The following TTC39B variants were observed in gnomAD, a reference collection of about 807,000 sequenced individuals.
The protein encoded by TTC39B is tetratricopeptide repeat domain 39B.
A neutral mutation model predicts 96.6 loss-of-function variants in TTC39B; 92 were observed. The observed-to-expected ratio is 0.95, with a 90% CI of 0.80 to 1.13. The LOEUF (loss-of-function observed/expected upper bound fraction) is 1.13. Ranked by LOEUF, TTC39B falls within the 50% of genes most tolerant of loss-of-function variation. The pLI, the probability that TTC39B is intolerant of heterozygous loss-of-function variation, is 0.00. For synonymous variants in TTC39B, 367 were observed against 299.4 expected, an observed-to-expected ratio of 1.23 and a Z score of -2.33; for missense variants, 955 against 809.3, an observed-to-expected ratio of 1.18 and a Z score of -2.18.
At chr9:15,186,202 CTTATG>C (rs935131215) in intron 15 of TTC39B, among the ~76,000 whole-genome samples, 11 of 152,096 alleles carry the variant, frequency 7.2e-5, no homozygotes, top group Non-Finnish European at 1.5e-4. Context: ...ATGAGTCAAG[CTTATG>C]TTAGGTTAAT....
chr9:15,262,825 G>A (rs1455647326), intron 2 of TTC39B, among the ~76,000 whole-genome samples: 1 of 152,184 alleles, frequency 6.6e-6, no homozygotes, highest in African/African-American at 2.4e-5. Flanking sequence ...TCTTGATACA[G>A]AGATTGAAGC....
rs77495490 is a variant in TTC39B at position 15,185,502 on chromosome 9, G to C, written c.1488-96C>G. ...TCACAGTGAACTTCACAGACCACCA[G>C]CAGCAGCAGCAGCATCACCTGGGAA... On this transcript the variant is annotated intron_variant, in intron 15 of 19. Transcript: ENST00000512701. 6.7e-4 allele frequency: 917 copies of C among 1,364,472 alleles called. 2 individuals carry two copies. In the African/African-American group the frequency reaches 9.1e-3, roughly 13 times the overall value. 84.5% of individuals were successfully genotyped at this position (1,364,472 alleles called of 1,614,324 possible). A position where few individuals can be genotyped will look rare whatever the true frequency, so the allele number is the denominator to read the frequency against.
At chr9:15,180,318 T>C (rs2800592) in intron 17 of TTC39B, among the ~76,000 whole-genome samples, 2,240 of 152,354 alleles carry the variant, frequency 0.015, 62 homozygotes, top group African/African-American at 0.051. Flanking sequence ...ATGTTTGCTA[T>C]ATAATTTCAT....
At chr9:15,190,840 A>G (rs1818818834) in intron 10 of TTC39B, among the ~76,000 whole-genome samples, 178 bp from the exon 11 acceptor site, 1 of 152,158 alleles carries the variant, frequency 6.6e-6, no homozygotes, top group African/African-American at 2.4e-5. Flanking sequence ...CATACTCAAC[A>G]GGTAGTTTTT....
At chr9:15,268,112 C>T (rs141582712) in intron 1 of TTC39B, among the ~76,000 whole-genome samples, 164 bp from the exon 2 acceptor site, 67 of 151,822 alleles carry the variant, frequency 4.4e-4, no homozygotes, top group Non-Finnish European at 9.3e-4. Flanking sequence ...ATTCTGTTTA[C>T]AGAAATCAAG....
intron 6 of TTC39B, among the ~76,000 whole-genome samples, chr9:15,208,735 T>C (rs1191480300): frequency 1.3e-5 from 2 of 152,186 alleles, no homozygotes; most frequent in Admixed American, 6.5e-5. Flanking sequence ...TGTTTGACCA[T>C]GGTTTTGGGG....
At chr9:15,190,317 T>C (rs1006052236) in intron 11 of TTC39B, among the ~76,000 whole-genome samples, 7 of 152,170 alleles carry the variant, frequency 4.6e-5, no homozygotes, top group African/African-American at 1.7e-4. Context: ...AGATTAAAAA[T>C]AATCAACTTT....
exon 20 of TTC39B, chr9:15,164,924 C>G (rs1162047399): frequency 6.6e-6 from 1 of 152,116 alleles, no homozygotes; most frequent in Non-Finnish European, 1.5e-5. Flanking sequence ...AACCAACAGC[C>G]TAAGATTTAA....
chr9:15,166,993 TATA>T (rs1817532172), exon 20 of TTC39B: 1 of 5,134 alleles, frequency 1.9e-4, no homozygotes, highest in African/African-American at 8.0e-4. Context: ...TATATATATA[TATA>T]TATATATATA....
At chr9:15,227,795 C>T (rs540379407) in intron 2 of TTC39B, among the ~76,000 whole-genome samples, 1 of 152,244 alleles carries the variant, frequency 6.6e-6, no homozygotes, top group East Asian at 1.9e-4. Context: ...AAAATATCCC[C>T]TTTTCACATT....
intron 1 of TTC39B, among the ~76,000 whole-genome samples, chr9:15,295,364 A>C (rs1824334600): frequency 6.6e-6 from 1 of 152,214 alleles, no homozygotes; most frequent in Admixed American, 6.5e-5. Flanking sequence ...GGCTGCATTT[A>C]ACCTCTTAGT....
At chr9:15,186,706 T>G (rs1328383151) in intron 15 of TTC39B, 1 of 361,910 alleles carries the variant, frequency 2.8e-6, no homozygotes, top group African/African-American at 2.1e-5. Context: ...TGGTTTTTTT[T>G]TGGAGACAGA....
At chr9:15,185,581 C>T (rs1818479909) in intron 15 of TTC39B, 175 bp from the exon 16 acceptor site, 2 of 925,340 alleles carry the variant, frequency 2.2e-6, no homozygotes, top group Non-Finnish European at 3.1e-6. Context: ...GAATCAGCAA[C>T]TCCAGGGCCG....
At chr9:15,177,869 C>CA in intron 17 of TTC39B, 55 bp from the exon 18 acceptor site, 4 of 466,286 alleles carry the variant, frequency 8.6e-6, no homozygotes, top group Non-Finnish European at 1.1e-5. Flanking sequence ...TTTTTAAGAT[C>CA]TTTTTTTTTT....
At chr9:15,268,065 A>G (rs747150829) in intron 1 of TTC39B, 117 bp from the exon 2 acceptor site, 19 of 776,214 alleles carry the variant, frequency 2.4e-5, no homozygotes, top group Admixed American at 4.9e-5. Context: ...AGGAAGGTAT[A>G]GCAGGCAGTA....
chr9:15,243,380 C>T (rs570927956), intron 2 of TTC39B, among the ~76,000 whole-genome samples: 3 of 152,194 alleles, frequency 2.0e-5, no homozygotes, highest in Admixed American at 6.5e-5. Context: ...TAAAGGAGAA[C>T]AGTTGAAAAG....
At chr9:15,254,024 A>G (rs1390948923) in intron 2 of TTC39B, among the ~76,000 whole-genome samples, 1 of 152,032 alleles carries the variant, frequency 6.6e-6, no homozygotes, top group Non-Finnish European at 1.5e-5. Flanking sequence ...TGGACTCGAG[A>G]CTTCCTGGAC....
chr9:15,225,864 G>T, intron 3 of TTC39B, 53 bp downstream of exon 3: 1 of 1,509,170 alleles, frequency 6.6e-7, no homozygotes, highest in South Asian at 1.1e-5. Context: ...ATTCCTTCAA[G>T]GGTGGGACTG....
exon 20 of TTC39B, chr9:15,171,801 C>G: frequency 6.6e-6 from 2 of 302,246 alleles, no homozygotes; most frequent in Non-Finnish European, 1.2e-5. Flanking sequence ...TTGGGGGAGG[C>G]AAAATATAAG....
Sources: allele counts gnomAD v4.1 joint callset (sites outside exome capture counted in the v4.1 genomes callset), GRCh38; gene constraint gnomAD v4.1.1; transcripts MANE v1.5; gene names NCBI Gene and HGNC (gene_info 2026-07-23, HGNC 2026-07-21).